ELOVL5: variants seen among roughly 807,000 people sequenced by gnomAD.
ELOVL5 encodes ELOVL fatty acid elongase 5.
A neutral mutation model predicts 38.6 loss-of-function variants in ELOVL5; 8 were observed. The ratio of observed to expected loss-of-function variants is 0.21; its 90% CI spans 0.12 to 0.37. The LOEUF (loss-of-function observed/expected upper bound fraction) is 0.37, where lower values mean the gene tolerates loss of function less well. ELOVL5 is among the 10% of genes least tolerant of loss of function. The pLI is 1.00. For synonymous variants in ELOVL5, 127 were observed against 133.7 expected (o/e 0.95, Z 0.34); for missense variants, 280 against 367.8 (o/e 0.76, Z 1.95).
intron 1 of ELOVL5, 86 bp downstream of exon 1, chr6:53,348,731 C>T: frequency 2.3e-6 from 1 of 443,420 alleles, no homozygotes; most frequent in South Asian, 1.6e-5. Context: ...GCAGTTCTCT[C>T]TGACCGCTTC....
rs80142446 is a variant in ELOVL5, at chr6:53,342,585, C to T, written c.-9+6232G>A. Among the ~76,000 whole-genome samples the T allele has an allele frequency of 3.9e-3, 592 of 152,260 alleles. 8 individuals are homozygous for T. The highest frequency in any genetic ancestry group is 0.013 in the African/African-American group (560 of 41,542). The stretch of plus-strand genomic sequence containing the variant: ...ACTTAACAGAGATGGAACCTGTGCT[C>T]GCAAGAGGGTGCCTACCTAATATAA... On this transcript the variant is annotated intron_variant, in intron 1 of 7. Transcript: ENST00000304434.
chr6:53,279,381 G>A (rs1300842524), intron 3 of ELOVL5, among the ~76,000 whole-genome samples: 1 of 152,176 alleles, frequency 6.6e-6, no homozygotes, highest in African/African-American at 2.4e-5. Context: ...GAGCACTAGA[G>A]CCTGAGGTCT....
chr6:53,294,125 C>T, intron 2 of ELOVL5: 1 of 1,402,108 alleles, frequency 7.1e-7, no homozygotes, highest in Admixed American at 2.9e-5. Flanking sequence ...TTGCTTTATT[C>T]ATTTTCCCAC....
At chr6:53,295,833 G>T in intron 1 of ELOVL5, 126 bp from the exon 2 acceptor site, 1 of 565,282 alleles carries the variant, frequency 1.8e-6, no homozygotes, top group Non-Finnish European at 2.9e-6. Flanking sequence ...CAGTTCCTTA[G>T]GTTAAAAGAA....
At chr6:53,328,663 G>A (rs1354285551) in intron 1 of ELOVL5, among the ~76,000 whole-genome samples, 1 of 151,956 alleles carries the variant, frequency 6.6e-6, no homozygotes, top group Non-Finnish European at 1.5e-5. Context: ...CAAGAGACAG[G>A]AACAAAAAAG....
intron 6 of ELOVL5, among the ~76,000 whole-genome samples, chr6:53,271,000 CTTTTTG>C (rs1303660941): frequency 1.3e-5 from 2 of 152,152 alleles, no homozygotes; most frequent in Non-Finnish European, 2.9e-5. Context: ...ACATCCAAGA[CTTTTTG>C]TTTTTATTTT....
chr6:53,287,567 TCA>T (rs1766619787), intron 3 of ELOVL5, among the ~76,000 whole-genome samples: 1 of 152,152 alleles, frequency 6.6e-6, no homozygotes. Context: ...AAAAAAAAAT[TCA>T]CTCTCTAGAG....
At position 53,268,971 on chromosome 6, in the gene ELOVL5, G is replaced by A. The variant is rs1353756541; in HGVS notation, c.*156C>T. ...ATCCCTACTTATATAATCTGTATAC[G>A]TTTTCTAGGGGTTTTGAATTGATGA... On this transcript the variant is annotated 3_prime_UTR_variant, in exon 8 of 8. Coordinates refer to ENST00000304434, the MANE Select transcript of ELOVL5 (RefSeq NM_021814.5). 20 of 817,416 alleles carry A rather than the reference G, an allele frequency of 2.4e-5. No individual in the cohort carries two copies. The highest frequency in any genetic ancestry group is 7.6e-5 in the South Asian group (4 of 52,842). 50.6% of individuals were successfully genotyped at this position (817,416 alleles called of 1,614,324 possible). A position where few individuals can be genotyped will look rare whatever the true frequency, so the allele number is the denominator to read the frequency against.
intron 2 of ELOVL5, among the ~76,000 whole-genome samples, chr6:53,295,384 T>C (rs1450253868): frequency 6.6e-6 from 1 of 152,200 alleles, no homozygotes; most frequent in East Asian, 1.9e-4. Flanking sequence ...ATGCCACTGA[T>C]AATGGTGAAA....
chr6:53,313,531 A>T (rs79213714), intron 1 of ELOVL5, among the ~76,000 whole-genome samples: 8 of 147,056 alleles, frequency 5.4e-5, no homozygotes, highest in Non-Finnish European at 1.2e-4. Flanking sequence ...CCAGCTAATT[A>T]AAAAAAAAAA....
Position 53,337,784 on chromosome 6 carries a change from G to T in ELOVL5, c.-9+11033C>A, listed in dbSNP as rs528102598. Among the ~76,000 whole-genome samples, 8 of 152,348 alleles carry T rather than the reference G, an allele frequency of 5.3e-5. No homozygotes were observed. In the East Asian group the frequency reaches 1.5e-3, roughly 29 times the overall value. ...AAGGAGCCAAGGAGAAATTGTAGTT[G>T]TCCAGGAAGGATCTGACATGCTATG... On this transcript the variant is annotated intron_variant, in intron 1 of 7. Coordinates refer to ENST00000304434, the MANE Select transcript of ELOVL5 (RefSeq NM_021814.5).
chr6:53,281,961 C>T (rs1766382136), intron 3 of ELOVL5, among the ~76,000 whole-genome samples: 1 of 152,170 alleles, frequency 6.6e-6, no homozygotes, highest in Non-Finnish European at 1.5e-5. Flanking sequence ...ACAGCCTGTC[C>T]TCAATCCAAA....
chr6:53,286,841 C>CTA (rs1177949122), intron 3 of ELOVL5, among the ~76,000 whole-genome samples: 1 of 152,054 alleles, frequency 6.6e-6, no homozygotes, highest in Admixed American at 6.5e-5. Context: ...TTAGAACGTA[C>CTA]TATGTGTTGT....
intron 1 of ELOVL5, among the ~76,000 whole-genome samples, chr6:53,304,727 G>C (rs1012729584): frequency 1.3e-5 from 2 of 152,178 alleles, no homozygotes; most frequent in Admixed American, 6.5e-5. Flanking sequence ...ATGTTTCAGA[G>C]AGCACAGGGT....
chr6:53,296,884 TCTC>T (rs1307040342), intron 1 of ELOVL5, among the ~76,000 whole-genome samples: 26 of 152,234 alleles, frequency 1.7e-4, no homozygotes. Flanking sequence ...TAGCAATACT[TCTC>T]TTCCTTGGCT....
chr6:53,333,415 A>G (rs1022556273), intron 1 of ELOVL5, among the ~76,000 whole-genome samples: 1 of 152,178 alleles, frequency 6.6e-6, no homozygotes, highest in Non-Finnish European at 1.5e-5. Flanking sequence ...AGAATGGGGG[A>G]AAAAATCATG....
chr6:53,292,161 A>G (rs1337797924), intron 2 of ELOVL5, among the ~76,000 whole-genome samples, 198 bp from the exon 3 acceptor site: 1 of 152,220 alleles, frequency 6.6e-6, no homozygotes, highest in African/African-American at 2.4e-5. Flanking sequence ...GCTCTGAATA[A>G]CAATGTATTA....
chr6:53,276,237 T>A lies in ELOVL5; in HGVS notation c.266A>T (p.Glu89Val). Residue 89 changes from glutamate (E) to valine (V), a missense_variant, in exon 4 of 8, where the codon GAA becomes GTA. Coordinates refer to ENST00000304434, the MANE Select transcript of ELOVL5 (RefSeq NM_021814.5). ...CTGACAGAAGAAGTTGTATTTGCCT[T>A]CCCATACTCCTGTTACTAACTAAAA... ...MFCELVTGVW[E>V]GKYNFFCQGT... 1 of 1,612,496 alleles carries A rather than the reference T, an allele frequency of 6.2e-7. No individual in the cohort carries two copies. Among genetic ancestry groups the A allele is most frequent in the Non-Finnish European group, 8.5e-7 (1 of 1,178,568 alleles).
Position 53,268,821 on chromosome 6 carries a change from G to C in ELOVL5, c.*306C>G, listed in dbSNP as rs144905181. ...TTGGATTACAGTGTTTTTAAATTGT[G>C]AATCACAATTCAGCACCTATCATGT... is the stretch of plus-strand genomic sequence containing the variant. On this transcript the variant is annotated 3_prime_UTR_variant, in exon 8 of 8. Coordinates refer to ENST00000304434, the MANE Select transcript of ELOVL5 (RefSeq NM_021814.5). The C allele has an allele frequency of 4.5e-6, 1 of 221,508 alleles. No homozygotes were observed. Among genetic ancestry groups the C allele is most frequent in the Admixed American group, 5.7e-5 (1 of 17,418 alleles). The allele number at this position is 221,508 out of a possible 1,614,324, so 13.7% of individuals were successfully genotyped here. A position where few individuals can be genotyped will look rare whatever the true frequency, so the allele number is the denominator to read the frequency against.
Sources: gnomAD v4.1 joint callset for allele counts (sites outside exome capture counted in the v4.1 genomes callset) on GRCh38, gnomAD v4.1.1 for gene constraint, MANE v1.5 for transcripts, NCBI Gene and HGNC (gene_info 2026-07-23, HGNC 2026-07-21) for gene names.